Variants in ADAM12 observed in about 807,000 individuals in gnomAD.
ADAM12 encodes disintegrin and metalloproteinase domain-containing protein 12.
Under a neutral mutation model 106.4 loss-of-function variants are expected in ADAM12, and 70 were observed. The ratio of observed to expected loss-of-function variants is 0.66; its 90% CI spans 0.54 to 0.80. ADAM12 has a LOEUF of 0.80. Ranked by LOEUF, ADAM12 falls within the 30% of genes least tolerant of loss-of-function variation. The pLI, the probability that ADAM12 is intolerant of heterozygous loss-of-function variation, is 0.00. For synonymous variants in ADAM12, 420 were observed against 433.5 expected (o/e 0.97, Z 0.39); for missense variants, 1,010 against 1,171.9 (o/e 0.86, Z 2.02).
intron 22 of ADAM12, 50 bp downstream of exon 22, chr10:126,019,645 C>A: frequency 6.3e-7 from 1 of 1,594,080 alleles, no homozygotes; most frequent in East Asian, 2.2e-5. Flanking sequence ...CGTGGTTGGT[C>A]CCACAAGAGT....
intron 2 of ADAM12, among the ~76,000 whole-genome samples, chr10:126,312,225 A>T (rs759433400): frequency 6.6e-6 from 1 of 151,904 alleles, no homozygotes; most frequent in Non-Finnish European, 1.5e-5. Flanking sequence ...AGCTGCAATG[A>T]GACGACGTCA....
At chr10:126,304,322 G>T (rs1467469341) in intron 2 of ADAM12, among the ~76,000 whole-genome samples, 1 of 137,810 alleles carries the variant, frequency 7.3e-6, no homozygotes, top group Admixed American at 7.6e-5. Context: ...AGAAGGAAGG[G>T]AGGGAGGGAG....
chr10:126,176,591 A>G (rs748505476), intron 3 of ADAM12, among the ~76,000 whole-genome samples: 1 of 152,258 alleles, frequency 6.6e-6, no homozygotes, highest in Non-Finnish European at 1.5e-5. Flanking sequence ...TAAATCAAGT[A>G]CATCCCATAT....
chr10:126,343,714 C>A (rs1289244441), intron 1 of ADAM12, among the ~76,000 whole-genome samples: 1 of 152,154 alleles, frequency 6.6e-6, no homozygotes, highest in East Asian at 1.9e-4. Flanking sequence ...TTTTAATGAT[C>A]ACCATTCTAA....
intron 14 of ADAM12, among the ~76,000 whole-genome samples, chr10:126,063,231 G>A (rs1954794299): frequency 6.6e-6 from 1 of 152,182 alleles, no homozygotes; most frequent in Non-Finnish European, 1.5e-5. Context: ...CTCCTCAGAG[G>A]CCGAGCTAAA....
At chr10:126,041,598 G>C (rs1484051453) in intron 18 of ADAM12, 10 of 986,288 alleles carry the variant, frequency 1.0e-5, no homozygotes, top group Non-Finnish European at 1.2e-5. Context: ...TGCTTGGATG[G>C]AGATGGAATG....
rs1424114952 is a variant in ADAM12, at chr10:126,043,643, G to A, written c.1996-495C>T. ...CTGCCGGGTCCCACGCCAGGCTGGG[G>A]TCCGAGGCAGGCCCCCCGTTTCCTG... On this transcript the variant is annotated intron_variant, in intron 17 of 22. Transcript: ENST00000448723. This position sits in a 1 kb window ranked among gnomAD's most constrained non-coding sequence, Gnocchi z 4.1. Among the ~76,000 whole-genome samples, 2 of 152,206 alleles carry A rather than the reference G, an allele frequency of 1.3e-5. No homozygotes were observed. The highest frequency in any genetic ancestry group is 2.9e-5 in the Non-Finnish European group (2 of 68,038).
chr10:126,061,881 A>C (rs1236196591), intron 14 of ADAM12, among the ~76,000 whole-genome samples: 2 of 152,184 alleles, frequency 1.3e-5, no homozygotes, highest in African/African-American at 2.4e-5. Context: ...GTTTGTGCTA[A>C]TTTGTTACAG....
At chr10:126,325,139 A>G (rs1854251382) in intron 2 of ADAM12, among the ~76,000 whole-genome samples, 1 of 152,186 alleles carries the variant, frequency 6.6e-6, no homozygotes, top group Admixed American at 6.5e-5. Context: ...ACAAAAACAT[A>G]TGAGAAGAAA....
intron 3 of ADAM12, among the ~76,000 whole-genome samples, chr10:126,234,786 G>T (rs1452313052): frequency 6.6e-6 from 1 of 152,316 alleles, no homozygotes; most frequent in South Asian, 2.1e-4. Flanking sequence ...AATGGAGGGA[G>T]GATGGATCAG....
intron 1 of ADAM12, among the ~76,000 whole-genome samples, chr10:126,336,567 C>G (rs891476985): frequency 1.3e-5 from 2 of 152,152 alleles, no homozygotes; most frequent in Non-Finnish European, 2.9e-5. Flanking sequence ...AAAGGGCCTT[C>G]TGAGTACTCT....
At chr10:126,189,671 C>T (rs1957461886) in intron 3 of ADAM12, among the ~76,000 whole-genome samples, 1 of 152,128 alleles carries the variant, frequency 6.6e-6, no homozygotes. Context: ...GCTCCCTGTC[C>T]TGGGCTACAG....
At chr10:126,266,765 G>T (rs7912152) in intron 3 of ADAM12, among the ~76,000 whole-genome samples, 27,207 of 152,028 alleles carry the variant, frequency 0.18, 2,498 homozygotes, top group African/African-American at 0.22. Context: ...GTGGGAGCAA[G>T]CATCTCACAT....
rs759450202 is a variant in ADAM12 at position 126,101,086 on chromosome 10, A to G, written c.897T>C (p.Asn299=). The G allele has an allele frequency of 2.9e-5, 46 of 1,613,622 alleles. No individual in the cohort carries two copies. Among genetic ancestry groups the G allele is most frequent in the Non-Finnish European group, 3.9e-5 (46 of 1,179,828 alleles). The change falls in exon 9 of 23, where the codon AAT becomes AAC. Residue 299 remains asparagine (N), a synonymous_variant. Transcript: ENST00000448723. ...TAACTCCCTACCTGACAAGCTGCGC[A>G]TTGTCATGGGATTTGCGAGGTAGAA... ...MKLLPRKSHD[N]AQLVSGVYFQ... is the part of the protein sequence containing the mutation.
intron 2 of ADAM12, among the ~76,000 whole-genome samples, chr10:126,315,871 G>A (rs1389740019): frequency 6.6e-6 from 1 of 152,182 alleles, no homozygotes; most frequent in African/African-American, 2.4e-5. Context: ...CACAGACATG[G>A]GCAGCTAGTG....
At chr10:126,106,172 G>T (rs879368577) in intron 8 of ADAM12, among the ~76,000 whole-genome samples, 1 of 152,086 alleles carries the variant, frequency 6.6e-6, no homozygotes, top group Non-Finnish European at 1.5e-5. Flanking sequence ...TGAGGTCCCG[G>T]GACTCACAGT....
At chr10:126,216,783 G>T (rs1407318760) in intron 3 of ADAM12, among the ~76,000 whole-genome samples, 4 of 152,246 alleles carry the variant, frequency 2.6e-5, no homozygotes, top group Non-Finnish European at 4.4e-5. Context: ...GGCCACCAGG[G>T]TGACCCCGGC....
intron 3 of ADAM12, among the ~76,000 whole-genome samples, chr10:126,190,924 C>T (rs1377018677): frequency 1.4e-5 from 2 of 146,974 alleles, no homozygotes; most frequent in African/African-American, 2.5e-5. Flanking sequence ...ACAGGCCAGG[C>T]AAATGCCAGG....
At chr10:126,110,308 C>A (rs1233252500) in intron 6 of ADAM12, among the ~76,000 whole-genome samples, 1 of 151,878 alleles carries the variant, frequency 6.6e-6, no homozygotes, top group Non-Finnish European at 1.5e-5. Context: ...TCCAAGTGTA[C>A]CTGTTTTGAG....
Sources: allele counts gnomAD v4.1 joint callset (sites outside exome capture counted in the v4.1 genomes callset), GRCh38; gene constraint gnomAD v4.1.1; non-coding constraint Gnocchi (gnomAD v3.1); transcripts MANE v1.5; gene names NCBI Gene and HGNC (gene_info 2026-07-23, HGNC 2026-07-21).